Variants in TRPC3 observed in about 807,000 individuals in gnomAD.
TRPC3 encodes transient receptor potential cation channel subfamily C member 3.
A neutral mutation model predicts 90.9 loss-of-function variants in TRPC3; 54 were observed. That is an observed-to-expected ratio of 0.59 (90% confidence interval 0.48 to 0.75). TRPC3 has a LOEUF of 0.75. Ranked by LOEUF, TRPC3 falls within the 30% of genes least tolerant of loss-of-function variation. The pLI is 0.00. For missense variants in TRPC3, 918 were observed against 1,194.5 expected, an observed-to-expected ratio of 0.77 and a Z score of 3.41; for synonymous variants, 424 against 450.9, an observed-to-expected ratio of 0.94 and a Z score of 0.75.
At chr4:121,934,923 C>T (rs1245289435) in intron 1 of TRPC3, among the ~76,000 whole-genome samples, 1 of 152,194 alleles carries the variant, frequency 6.6e-6, no homozygotes, top group Non-Finnish European at 1.5e-5. Context: ...CTGTGACTGG[C>T]ACCCAATTCT....
rs1013712013 is a variant in TRPC3 at position 121,875,861 on chromosome 4, T to A, written c.*3875A>T. Reference sequence around the variant, plus strand: ...GAAATTCTCAAACTCTTTTTTAAACTGAACAAAGTTATAAATACCCATTTT... The same window carrying A: ...GAAATTCTCAAACTCTTTTTTAAACAGAACAAAGTTATAAATACCCATTTT... On this transcript the variant is annotated 3_prime_UTR_variant, in exon 12 of 12. Coordinates refer to ENST00000379645, the MANE Select transcript of TRPC3 (RefSeq NM_001130698.2). Among the ~76,000 whole-genome samples the A allele has an allele frequency of 3.3e-5, 5 of 149,560 alleles. No individual in the cohort carries two copies. Among genetic ancestry groups the A allele is most frequent in the African/African-American group, 9.8e-5 (4 of 40,640 alleles).
intron 3 of TRPC3, among the ~76,000 whole-genome samples, chr4:121,919,465 C>T (rs1729427678): frequency 1.3e-5 from 2 of 152,120 alleles, no homozygotes; most frequent in African/African-American, 2.4e-5. Flanking sequence ...TTATATTGCA[C>T]AGGTTTTCTG....
At chr4:121,904,566 T>A in intron 7 of TRPC3, 49 bp from the exon 8 acceptor site, 1 of 1,409,688 alleles carries the variant, frequency 7.1e-7, no homozygotes, top group South Asian at 1.5e-5. Flanking sequence ...GTTTTCAATA[T>A]CTAAGAGTGA....
chr4:121,886,382 A>C (rs977105892), intron 10 of TRPC3, among the ~76,000 whole-genome samples: 6 of 152,152 alleles, frequency 3.9e-5, no homozygotes, highest in Non-Finnish European at 7.3e-5. Flanking sequence ...TAGAAAAAAA[A>C]CTCAGAAGTA....
Position 121,932,260 on chromosome 4 carries a change from G to T in TRPC3, c.987+11C>A. 1.2e-6 allele frequency: 2 copies of T among 1,611,524 alleles called. No homozygotes were observed. Among genetic ancestry groups the T allele is most frequent in the Admixed American group, 3.3e-5 (2 of 59,976 alleles). ...GCACACAGAGCAGCCGGGGTAGAGC[G>T]CAAAGCTTACCTTGAACTCCTTCTC... On this transcript the variant is annotated intron_variant, in intron 2 of 11. Transcript: ENST00000379645. This position sits in a 1 kb window ranked among gnomAD's most constrained non-coding sequence, Gnocchi z 7.7.
At chr4:121,939,487 G>A (rs760165139) in intron 1 of TRPC3, among the ~76,000 whole-genome samples, 1 of 152,176 alleles carries the variant, frequency 6.6e-6, no homozygotes, top group Non-Finnish European at 1.5e-5. Context: ...TGTCCTGGGA[G>A]GACAAATAAA....
intron 6 of TRPC3, among the ~76,000 whole-genome samples, chr4:121,909,733 C>T (rs1483911925): frequency 6.6e-6 from 1 of 152,102 alleles, no homozygotes; most frequent in African/African-American, 2.4e-5. Flanking sequence ...GTTCACTTTG[C>T]CTGCAGAGCA....
intron 1 of TRPC3, among the ~76,000 whole-genome samples, chr4:121,942,620 C>T (rs1350865491): frequency 6.6e-6 from 1 of 152,150 alleles, no homozygotes; most frequent in African/African-American, 2.4e-5. Context: ...TAGATATATG[C>T]TAATTTTGGC....
intron 1 of TRPC3, among the ~76,000 whole-genome samples, chr4:121,943,496 TTAA>T (rs996245970): frequency 4.5e-4 from 69 of 152,230 alleles, no homozygotes; most frequent in African/African-American, 1.5e-3. Flanking sequence ...TTAATAACCT[TTAA>T]TAATTAATTA....
chr4:121,946,042 G>A (rs1730475677), intron 1 of TRPC3, among the ~76,000 whole-genome samples: 1 of 152,126 alleles, frequency 6.6e-6, no homozygotes, highest in African/African-American at 2.4e-5. Context: ...AACACAAAAA[G>A]CAAGCACTGG....
intron 10 of TRPC3, among the ~76,000 whole-genome samples, chr4:121,893,304 T>C (rs1728397743): frequency 6.6e-6 from 1 of 152,128 alleles, no homozygotes. Context: ...ATTATGATAA[T>C]GTGGTTCTAC....
rs1466794972 is a variant in TRPC3, at chr4:121,874,525, T to C, written c.*5211A>G. 4.6e-5 allele frequency among the ~76,000 whole-genome samples: 7 copies of C among 152,176 alleles called. No individual in the cohort carries two copies. Among genetic ancestry groups the C allele is most frequent in the Admixed American group, 4.6e-4 (7 of 15,280 alleles). On this transcript the variant is annotated 3_prime_UTR_variant, in exon 12 of 12. Coordinates refer to ENST00000379645, the MANE Select transcript of TRPC3 (RefSeq NM_001130698.2). The stretch of plus-strand genomic sequence containing the variant: ...TTTATTTTCTCACAGTCTTGGAGTC[T>C]AGAAGTCATAGATCAAGGTGTCAGC...
intron 8 of TRPC3, among the ~76,000 whole-genome samples, chr4:121,903,842 GGACA>G (rs1728787747): frequency 6.6e-6 from 1 of 152,122 alleles, no homozygotes; most frequent in African/African-American, 2.4e-5. Flanking sequence ...CTGAACTGAA[GGACA>G]TAAGAAAACA....
At chr4:121,916,315 CCCCAGAGTGCA>C in intron 3 of TRPC3, among the ~76,000 whole-genome samples, 1 of 152,294 alleles carries the variant, frequency 6.6e-6, no homozygotes, top group Non-Finnish European at 1.5e-5. Flanking sequence ...CTGCCTTTGC[CCCCAGAGTGCA>C]CCCAGTGTAA....
At chr4:121,946,765 C>T (rs776515513) in intron 1 of TRPC3, among the ~76,000 whole-genome samples, 1 of 152,162 alleles carries the variant, frequency 6.6e-6, no homozygotes, top group Non-Finnish European at 1.5e-5. Flanking sequence ...TTAGCACTAT[C>T]TAACTTTTAA....
chr4:121,930,792 C>T (rs762179410), intron 2 of TRPC3: 1 of 355,522 alleles, frequency 2.8e-6, no homozygotes, highest in South Asian at 2.1e-5. Context: ...TCTACTGTCT[C>T]TAAACGGAAT....
intron 3 of TRPC3, among the ~76,000 whole-genome samples, chr4:121,917,742 T>C (rs1046373080): frequency 3.3e-5 from 5 of 152,178 alleles, no homozygotes; most frequent in African/African-American, 9.7e-5. Flanking sequence ...CAGATATAAA[T>C]AAAAGGCATC....
rs200301327 is a variant in TRPC3, at chr4:121,879,882, T to A, written c.2624-4A>T. The A allele has an allele frequency of 1.3e-6, 2 of 1,532,578 alleles. No homozygotes were observed. Among genetic ancestry groups the A allele is most frequent in the Non-Finnish European group, 8.7e-7 (1 of 1,148,966 alleles). The allele number at this position is 1,532,578 out of a possible 1,614,324, so 94.9% of individuals were successfully genotyped here. ...TGCTTGATTTCTTTTAATTCACCTA[T>A]AGTATTGATATTAAAAAATTATTGG... On this transcript the variant is annotated splice_polypyrimidine_tract_variant and splice_region_variant and intron_variant, in intron 11 of 11. Transcript: ENST00000379645.
chr4:121,899,558 C>T (rs1728632676), intron 10 of TRPC3, 54 bp downstream of exon 10: 1 of 1,442,878 alleles, frequency 6.9e-7, no homozygotes, highest in African/African-American at 1.4e-5. Context: ...AACACACACG[C>T]AGACATATAT....
Sources: allele counts gnomAD v4.1 joint callset (sites outside exome capture counted in the v4.1 genomes callset), GRCh38; gene constraint gnomAD v4.1.1; non-coding constraint Gnocchi (gnomAD v3.1); transcripts MANE v1.5; gene names NCBI Gene and HGNC (gene_info 2026-07-23, HGNC 2026-07-21).